The following EPG5 variants were observed in gnomAD, a reference collection of about 807,000 sequenced individuals.
EPG5 encodes the protein ectopic P granules protein 5 homolog.
Under a neutral mutation model 302.7 loss-of-function variants are expected in EPG5, and 159 were observed. The ratio of observed to expected loss-of-function variants is 0.53; its 90% CI spans 0.46 to 0.60. The LOEUF is 0.60. Ranked by LOEUF, EPG5 falls within the 20% of genes least tolerant of loss-of-function variation. EPG5 has a pLI of 0.00. For synonymous variants in EPG5, 1,158 were observed against 1,136.8 expected (o/e 1.02, Z -0.37); for missense variants, 2,896 against 3,092.4 (o/e 0.94, Z 1.51).
intron 14 of EPG5, among the ~76,000 whole-genome samples, chr18:45,924,931 G>A (rs746817695): frequency 6.6e-5 from 10 of 152,124 alleles, no homozygotes; most frequent in Non-Finnish European, 8.8e-5. Context: ...TCGTTAATAT[G>A]AATGTTTACA....
At chr18:45,904,989 T>C (rs1311207624) in intron 24 of EPG5, among the ~76,000 whole-genome samples, 1 of 152,110 alleles carries the variant, frequency 6.6e-6, no homozygotes, top group African/African-American at 2.4e-5. Context: ...GAGAAGAGCA[T>C]GCCCATTATA....
chr18:45,942,157 AGAGGTTGCAGTGAGCC>A (rs2050679621), intron 9 of EPG5, among the ~76,000 whole-genome samples: 2 of 152,048 alleles, frequency 1.3e-5, no homozygotes, highest in Admixed American at 1.3e-4. Context: ...CCTGGGAGGC[AGAGGTTGCAGTGAGCC>A]GAGATCGCAC....
chr18:45,899,198 T>C (rs1472576805), intron 27 of EPG5, among the ~76,000 whole-genome samples: 1 of 152,176 alleles, frequency 6.6e-6, no homozygotes, highest in South Asian at 2.1e-4. Context: ...TTTTAATTCC[T>C]ATTTGAATAT....
intron 22 of EPG5, 111 bp from the exon 23 acceptor site, chr18:45,910,853 A>G: frequency 1.3e-6 from 1 of 741,904 alleles, no homozygotes; most frequent in Non-Finnish European, 2.2e-6. Flanking sequence ...GTGGATATAC[A>G]CCATTAAATT....
intron 35 of EPG5, among the ~76,000 whole-genome samples, chr18:45,871,822 G>T (rs2048877392): frequency 6.6e-6 from 1 of 152,132 alleles, no homozygotes; most frequent in Non-Finnish European, 1.5e-5. Flanking sequence ...TGATCAAAAG[G>T]GCACAAAGTT....
At chr18:45,880,820 A>G (rs1473199379) in intron 31 of EPG5, among the ~76,000 whole-genome samples, 5 of 152,176 alleles carry the variant, frequency 3.3e-5, no homozygotes, top group Non-Finnish European at 2.9e-5. Context: ...AGCGAACATG[A>G]GAATCAACTA....
chr18:45,883,614 G>GT (rs1174930322), intron 30 of EPG5, among the ~76,000 whole-genome samples: 1,871 of 60,586 alleles, frequency 0.031, 179 homozygotes, highest in Non-Finnish European at 0.044. Flanking sequence ...CTAGCCTGGT[G>GT]TTTTTTTTTT....
At chr18:45,963,255 GA>G (rs1385553958) in intron 1 of EPG5, among the ~76,000 whole-genome samples, 14 of 152,188 alleles carry the variant, frequency 9.2e-5, no homozygotes, top group Non-Finnish European at 1.6e-4. Flanking sequence ...CTTCTCTGAC[GA>G]AGTACTGTTT....
At chr18:45,967,057 G>A in intron 1 of EPG5, 120 bp downstream of exon 1, 1 of 926,338 alleles carries the variant, frequency 1.1e-6, no homozygotes, top group Non-Finnish European at 1.6e-6. Context: ...ATTGGAAGGT[G>A]GAGGCGGAAG....
rs1185773612 is a variant in EPG5 at position 45,848,871 on chromosome 18, C to A, written c.*3596G>T. On this transcript the variant is annotated 3_prime_UTR_variant, in exon 44 of 44. Transcript: ENST00000282041. ...GGCCGGGGCGGGCGGACCACAAGGT[C>A]AGGAGTTTGAAACCAGCTTGTCTCA... is the stretch of plus-strand genomic sequence containing the variant. The A allele has an allele frequency of 6.6e-6, 1 of 152,280 alleles. No homozygotes were observed. The highest frequency in any genetic ancestry group is 1.5e-5 in the Non-Finnish European group (1 of 68,126). 9.4% of individuals were successfully genotyped at this position (152,280 alleles called of 1,614,324 possible).
intron 20 of EPG5, 69 bp downstream of exon 20, chr18:45,915,442 C>A: frequency 8.9e-7 from 1 of 1,118,976 alleles, no homozygotes; most frequent in Non-Finnish European, 1.3e-6. Context: ...TTAGTAATTT[C>A]TTTGTAAGGA....
chr18:45,860,130 G>C lies in EPG5; in HGVS notation c.6983C>G (p.Ala2328Gly), dbSNP rs1446560293. The change falls in exon 40 of 44, where the codon GCC (alanine) becomes GGC (glycine). Residue 2328 changes from alanine (A) to glycine (G), a missense_variant. By Grantham distance (60) the Ala-to-Gly change is moderately conservative. Transcript: ENST00000282041. ...TTCTTTGAAGTAGGCAGTGATGCAG[G>C]CTTCTGTAGTCTCAGCCATGTGGCG... Reference protein sequence around the residue: ...SVRHMAETTEACITAYFKESP... With the variant: ...SVRHMAETTEGCITAYFKESP... 3.7e-6 allele frequency: 6 copies of C among 1,614,118 alleles called. No homozygotes were observed. Among genetic ancestry groups the C allele is most frequent in the Non-Finnish European group, 3.4e-6 (4 of 1,180,046 alleles).
intron 38 of EPG5, 149 bp from the exon 39 acceptor site, chr18:45,865,908 G>T (rs538178099): frequency 7.7e-6 from 7 of 906,592 alleles, no homozygotes. Flanking sequence ...TTAGTCCCAC[G>T]TGGCCCAAGG....
chr18:45,943,625 A>C (rs971952779), intron 8 of EPG5, among the ~76,000 whole-genome samples: 3 of 152,144 alleles, frequency 2.0e-5, no homozygotes, highest in African/African-American at 7.2e-5. Context: ...GAGCCTACAC[A>C]AGAAGTAAGA....
chr18:45,855,440 G>A (rs769830956), intron 43 of EPG5, 133 bp downstream of exon 43: 59 of 605,394 alleles, frequency 9.7e-5, no homozygotes, highest in Non-Finnish European at 1.5e-4. Flanking sequence ...CGTAAGTAGG[G>A]CACATGAAAG....
chr18:45,911,482 C>G (rs141858370), intron 22 of EPG5, among the ~76,000 whole-genome samples: 1 of 151,668 alleles, frequency 6.6e-6, no homozygotes, highest in Non-Finnish European at 1.5e-5. Context: ...TTAGTAGAGA[C>G]GGGGTTTCAC....
At position 45,879,118 on chromosome 18, in the gene EPG5, G is replaced by A. The variant is rs780245388; in HGVS notation, c.5764C>T (p.Pro1922Ser). The A allele has an allele frequency of 1.9e-6, 3 of 1,613,994 alleles. No homozygotes were observed. Among genetic ancestry groups the A allele is most frequent in the Non-Finnish European group, 2.5e-6 (3 of 1,179,970 alleles). The change falls in exon 33 of 44, where the codon CCT becomes TCT. Residue 1922 changes from proline to serine, a missense_variant. By Grantham distance (74) the Pro-to-Ser change is moderately conservative (BLOSUM62 -1). Coordinates refer to ENST00000282041, the MANE Select transcript of EPG5 (RefSeq NM_020964.3). ...AATGTCTTCACATCAGCCATATAAG[G>A]ACTCCATTTTGAGAATAAACCAAAG... is the stretch of plus-strand genomic sequence containing the variant. The part of the protein sequence containing the change: ...KSFGLFSKWS[P>S]YMADVKTFLG...
At chr18:45,878,104 C>T (rs2049011894) in intron 34 of EPG5, among the ~76,000 whole-genome samples, 1 of 152,266 alleles carries the variant, frequency 6.6e-6, no homozygotes, top group Non-Finnish European at 1.5e-5. Flanking sequence ...AAATTAAACA[C>T]TAAAGTTTAT....
chr18:45,933,381 G>A (rs1484871899), intron 11 of EPG5, among the ~76,000 whole-genome samples: 1 of 152,204 alleles, frequency 6.6e-6, no homozygotes, highest in Non-Finnish European at 1.5e-5. Context: ...AAGACATCAA[G>A]AGAGACAGAA....
Sources: gnomAD v4.1 joint callset for allele counts (sites outside exome capture counted in the v4.1 genomes callset) on GRCh38, gnomAD v4.1.1 for gene constraint, MANE v1.5 for transcripts, NCBI Gene and HGNC (gene_info 2026-07-23, HGNC 2026-07-21) for gene names.